Variants in WWOX observed in about 807,000 individuals in gnomAD.
WWOX encodes WW domain-containing oxidoreductase.
WWOX carries 69 observed loss-of-function variants against 46.2 expected under a neutral mutation model. The observed-to-expected ratio is 1.49, with a 90% CI of 1.23 to 1.82. The LOEUF is 1.82. Among genes scored for constraint, WWOX ranks in the 40% most tolerant of loss-of-function variants. The pLI is 0.00. For missense variants in WWOX, 919 were observed against 542.6 expected (o/e 1.69, Z -6.89); for synonymous variants, 359 against 202.6 (o/e 1.77, Z -6.56).
intron 8 of WWOX, among the ~76,000 whole-genome samples, chr16:79,171,833 C>G (rs1003872996): frequency 9.9e-5 from 15 of 151,362 alleles, no homozygotes; most frequent in Non-Finnish European, 1.9e-4. Context: ...GAATCCTTTT[C>G]AATAAAAAAA....
At chr16:78,717,072 G>A (rs2048582006) in intron 8 of WWOX, among the ~76,000 whole-genome samples, 5 of 152,120 alleles carry the variant, frequency 3.3e-5, no homozygotes. Flanking sequence ...AGGGTAAATG[G>A]CTTCATCACA....
At chr16:78,317,242 C>A (rs2080373221) in intron 5 of WWOX, among the ~76,000 whole-genome samples, 1 of 152,144 alleles carries the variant, frequency 6.6e-6, no homozygotes, top group Admixed American at 6.6e-5. Context: ...ACTGCAGGAA[C>A]TTGAGTGATA....
At chr16:79,095,577 C>G (rs1014590859) in intron 8 of WWOX, among the ~76,000 whole-genome samples, 20 of 152,124 alleles carry the variant, frequency 1.3e-4, no homozygotes, top group African/African-American at 4.8e-4. Flanking sequence ...AATAATAAAA[C>G]AAATGGAGCC....
At chr16:78,425,137 A>C (rs2151960152) in intron 7 of WWOX, 82 bp downstream of exon 7, 1 of 1,572,252 alleles carries the variant, frequency 6.4e-7, no homozygotes, top group Non-Finnish European at 8.7e-7. Context: ...TTCTGAAAAT[A>C]ATTTTCATTA....
intron 8 of WWOX, among the ~76,000 whole-genome samples, chr16:78,635,282 G>A (rs1275664744): frequency 6.6e-6 from 1 of 152,124 alleles, no homozygotes; most frequent in African/African-American, 2.4e-5. Flanking sequence ...TTGGACAGAT[G>A]CCTGGTTGTC....
At chr16:78,491,076 C>G (rs945647031) in intron 8 of WWOX, among the ~76,000 whole-genome samples, 2 of 152,180 alleles carry the variant, frequency 1.3e-5, no homozygotes, top group African/African-American at 4.8e-5. Context: ...GCTGAGTCAT[C>G]TGTGCCAGCT....
intron 8 of WWOX, among the ~76,000 whole-genome samples, chr16:78,619,173 A>G (rs1320625789): frequency 7.6e-5 from 1 of 13,168 alleles, no homozygotes; most frequent in Non-Finnish European, 1.3e-4. Context: ...ATATATATAT[A>G]TATATATATA....
At chr16:79,070,232 A>G (rs78191931) in intron 8 of WWOX, among the ~76,000 whole-genome samples, 1,638 of 151,688 alleles carry the variant, frequency 0.011, 29 homozygotes, top group African/African-American at 0.037. Context: ...CTGAGAGAAC[A>G]TCATGCTCCA....
chr16:79,047,244 T>A (rs773552679), intron 8 of WWOX, among the ~76,000 whole-genome samples: 2 of 152,206 alleles, frequency 1.3e-5, no homozygotes, highest in Non-Finnish European at 2.9e-5. Flanking sequence ...CCTCATGGAT[T>A]CACCATGTAT....
At chr16:79,018,238 G>A (rs1384817458) in intron 8 of WWOX, among the ~76,000 whole-genome samples, 1 of 152,130 alleles carries the variant, frequency 6.6e-6, no homozygotes, top group Non-Finnish European at 1.5e-5. Context: ...CAGAGTATTT[G>A]TTCTAGTATG....
chr16:78,305,443 A>G (rs2080116538), intron 5 of WWOX, among the ~76,000 whole-genome samples: 2 of 152,160 alleles, frequency 1.3e-5, no homozygotes. Flanking sequence ...AAGAAGAAGC[A>G]TAGACAATGT....
intron 8 of WWOX, among the ~76,000 whole-genome samples, chr16:79,149,867 A>T (rs1166605766): frequency 6.6e-6 from 1 of 152,168 alleles, no homozygotes. Flanking sequence ...TTGGTGGATC[A>T]CACAGGGATT....
intron 8 of WWOX, among the ~76,000 whole-genome samples, chr16:78,577,310 G>T (rs1184251952): frequency 6.6e-6 from 1 of 152,182 alleles, no homozygotes; most frequent in African/African-American, 2.4e-5. Flanking sequence ...TGGTGGTGCA[G>T]GGCAAATATA....
chr16:78,199,175 T>C (rs2036151295), intron 5 of WWOX, among the ~76,000 whole-genome samples: 1 of 152,058 alleles, frequency 6.6e-6, no homozygotes, highest in Admixed American at 6.6e-5. Flanking sequence ...TAGCCGGGCA[T>C]GGTGGCACGT....
intron 5 of WWOX, among the ~76,000 whole-genome samples, chr16:78,228,124 C>G (rs1009329657): frequency 2.0e-5 from 3 of 152,000 alleles, no homozygotes; most frequent in Admixed American, 1.3e-4. Context: ...CTCTTTCCTC[C>G]CCTGGGGCCC....
intron 8 of WWOX, among the ~76,000 whole-genome samples, chr16:79,043,176 A>G (rs2048004041): frequency 6.6e-6 from 1 of 152,024 alleles, no homozygotes. Flanking sequence ...GTAGCTTTGA[A>G]TGGCCACATG....
chr16:78,758,101 T>C (rs2049701018), intron 8 of WWOX, among the ~76,000 whole-genome samples: 1 of 152,182 alleles, frequency 6.6e-6, no homozygotes, highest in Non-Finnish European at 1.5e-5. Flanking sequence ...ATGTTGAAAT[T>C]TTTCTTTAAA....
intron 8 of WWOX, among the ~76,000 whole-genome samples, chr16:78,446,454 C>T (rs1021022294): frequency 1.8e-4 from 28 of 152,060 alleles, no homozygotes; most frequent in Admixed American, 1.7e-3. Context: ...ATCAGGAAGG[C>T]CTGGAAAGAC....
chr16:78,550,136 CTCT>C (rs1391972941), intron 8 of WWOX, among the ~76,000 whole-genome samples: 1 of 152,184 alleles, frequency 6.6e-6, no homozygotes, highest in African/African-American at 2.4e-5. Flanking sequence ...CTTTAACATT[CTCT>C]TCTTCACTAA....
Sources: allele counts gnomAD v4.1 joint callset (sites outside exome capture counted in the v4.1 genomes callset), GRCh38; gene constraint gnomAD v4.1.1; transcripts MANE v1.5; gene names NCBI Gene and HGNC (gene_info 2026-07-23, HGNC 2026-07-21).